Variants in UHMK1 observed in about 807,000 individuals in gnomAD.
UHMK1 encodes the protein U2AF homology motif kinase 1, also known as serine/threonine-protein kinase Kist.
In UHMK1, 18 loss-of-function variants were observed where a neutral mutation model predicts 44.0. The observed-to-expected ratio is 0.41, with a 90% confidence interval of 0.28 to 0.61. The LOEUF is 0.61. UHMK1 is among the 20% of genes least tolerant of loss of function. The pLI, the probability that UHMK1 is intolerant of heterozygous loss-of-function variation, is 0.31. For synonymous variants in UHMK1, 231 were observed against 198.5 expected, an observed-to-expected ratio of 1.16 and a Z score of -1.38; for missense variants, 463 against 522.5, an observed-to-expected ratio of 0.89 and a Z score of 1.11.
At chr1:162,506,483 C>T (rs1164836664) in intron 4 of UHMK1, among the ~76,000 whole-genome samples, 1 of 152,158 alleles carries the variant, frequency 6.6e-6, no homozygotes. Context: ...TTGTACCCAT[C>T]TTGTAACTAC....
In UHMK1 at chr1:162,500,122, C is replaced by G; in HGVS notation, c.436C>G (p.Leu146Val). Residue 146 changes from leucine (L) to valine (V), a missense_variant, in exon 2 of 8, where the codon CTT (leucine) becomes GTT (valine). By Grantham distance (32) the Leu-to-Val change is conservative. Coordinates refer to ENST00000489294, the MANE Select transcript of UHMK1 (RefSeq NM_175866.5). Reference protein sequence around the residue: ...QHCARDVLEALAFLHHEGYVH... With the variant: ...QHCARDVLEAVAFLHHEGYVH... ...TTGTGCCCGAGATGTTTTGGAGGCC[C>G]TTGCTTTTCTTCATCATGAGGGCTA... The G allele has an allele frequency of 6.2e-7, 1 of 1,614,174 alleles. No individual in the cohort carries two copies. Among genetic ancestry groups the G allele is most frequent in the East Asian group, 2.2e-5 (1 of 44,878 alleles).
At position 162,528,548 on chromosome 1, in the gene UHMK1, A is replaced by G. The variant is rs1274342396; in HGVS notation, c.*5998A>G. On this transcript the variant is annotated 3_prime_UTR_variant, in exon 8 of 8. Coordinates refer to ENST00000489294, the MANE Select transcript of UHMK1 (RefSeq NM_175866.5). ...TCACCACTTATGCAAATCAAGGATC[A>G]GAAAACTGGAGGTTAGCCATCTCCA... The G allele has an allele frequency of 6.6e-6, 1 of 152,140 alleles. No homozygotes were observed. The highest frequency in any genetic ancestry group is 1.5e-5 in the Non-Finnish European group (1 of 67,954). The allele number at this position is 152,140 out of a possible 1,614,324, so 9.4% of individuals were successfully genotyped here.
At position 162,497,883 on chromosome 1, in the gene UHMK1, G is replaced by C; in HGVS notation, c.-118G>C. 3.6e-6 allele frequency: 5 copies of C among 1,405,442 alleles called. No individual in the cohort carries two copies. The South Asian group carries it at 4.9e-5, about 14-fold the overall frequency. The allele number at this position is 1,405,442 out of a possible 1,614,324, so 87.1% of individuals were successfully genotyped here. The stretch of plus-strand genomic sequence containing the variant: ...TGAAGTCCCGGGAGTCGGTGAGGCG[G>C]CTGCAGGTCCCTCCCTGCGGAGCCG... On this transcript the variant is annotated 5_prime_UTR_variant, in exon 1 of 8. Coordinates refer to ENST00000489294, the MANE Select transcript of UHMK1 (RefSeq NM_175866.5).
rs148485125 is a variant in UHMK1, at chr1:162,522,656, C to A, written c.*106C>A. 1.8e-3 allele frequency: 2,304 copies of A among 1,267,662 alleles called. 27 individuals are homozygous for A. In the African/African-American group the frequency reaches 0.028, roughly 15 times the overall value. 78.5% of individuals were successfully genotyped at this position (1,267,662 alleles called of 1,614,324 possible). A position where few individuals can be genotyped will look rare whatever the true frequency, so the allele number is the denominator to read the frequency against. ...TACCATTTTAAGAAGGTACTTTATA[C>A]ATTTATTTAATCCTACTAATGTGCA... On this transcript the variant is annotated 3_prime_UTR_variant, in exon 8 of 8. Transcript: ENST00000489294.
intron 7 of UHMK1, among the ~76,000 whole-genome samples, chr1:162,521,110 C>T (rs1186779084): frequency 1.3e-5 from 2 of 152,138 alleles, no homozygotes; most frequent in South Asian, 2.1e-4. Context: ...CGAAGCCATT[C>T]TTCATTTGAA....
chr1:162,513,131 G>C (rs1050326927), intron 6 of UHMK1: 2 of 315,314 alleles, frequency 6.3e-6, no homozygotes, highest in East Asian at 1.6e-4. Flanking sequence ...AGTAGGGACG[G>C]GGTTTCACCA....
In UHMK1 at chr1:162,518,209, A is replaced by G. The variant is rs755736417; in HGVS notation, c.1113+19A>G. On this transcript the variant is annotated intron_variant, in intron 7 of 7. Transcript: ENST00000489294. ...AGGACAAGTAAGTGAATATTTTCAT[A>G]ATTGCAGATTACTCAGAGGTTATTA... 2 of 1,530,132 alleles carry G rather than the reference A, an allele frequency of 1.3e-6. No individual in the cohort carries two copies. The highest frequency in any genetic ancestry group is 4.5e-5 in the East Asian group (2 of 44,386). The allele number at this position is 1,530,132 out of a possible 1,614,324, so 94.8% of individuals were successfully genotyped here.
intron 6 of UHMK1, among the ~76,000 whole-genome samples, chr1:162,513,425 A>G (rs1475752711): frequency 1.3e-5 from 2 of 152,130 alleles, no homozygotes; most frequent in Non-Finnish European, 2.9e-5. Context: ...CATTTAAGAC[A>G]TATTAACTGA....
At position 162,501,023 on chromosome 1, in the gene UHMK1, T is replaced by A; in HGVS notation, c.672T>A (p.Asp224Glu). Residue 224 changes from aspartate to glutamate, a missense_variant, in exon 3 of 8, where the codon GAT becomes GAA. This residue lies in a region of UHMK1 where 264 missense variants were observed against 326.3 expected (regional missense o/e 0.81). Transcript: ENST00000489294. ...QSDTECTSAV[D>E]LWSLGIILLE... ...ATACAGAATGTACCTCAGCTGTTGATCTGTGGAGCCTAGGAATCATTTTAC... is the reference window on the plus strand; with the variant it reads ...ATACAGAATGTACCTCAGCTGTTGAACTGTGGAGCCTAGGAATCATTTTAC... The A allele has an allele frequency of 2.5e-6, 4 of 1,614,034 alleles. No homozygotes were observed. The highest frequency in any genetic ancestry group is 3.4e-6 in the Non-Finnish European group (4 of 1,179,996).
Position 162,503,811 on chromosome 1 carries a change from G to A in UHMK1, c.811G>A (p.Ala271Thr), listed in dbSNP as rs150990527. The change falls in exon 4 of 8, where the codon GCA (alanine) becomes ACA (threonine). Residue 271 changes from alanine (A) to threonine (T), a missense_variant. This residue lies in a region of UHMK1 where 264 missense variants were observed against 326.3 expected (regional missense o/e 0.81). Coordinates refer to ENST00000489294, the MANE Select transcript of UHMK1 (RefSeq NM_175866.5). ...TGCCAGTAAAGCAGTGGTGAATGCC[G>A]CAATTCCAGCCTATCACCTAAGAGA... ...IFASKAVVNA[A>T]IPAYHLRDLI... 14 of 1,613,826 alleles carry A rather than the reference G, an allele frequency of 8.7e-6. No homozygotes were observed. The highest frequency in any genetic ancestry group is 1.6e-4 in the Middle Eastern group (1 of 6,084).
intron 4 of UHMK1, among the ~76,000 whole-genome samples, chr1:162,509,024 ATCC>A (rs1319590309): frequency 6.6e-6 from 1 of 152,078 alleles, no homozygotes; most frequent in Non-Finnish European, 1.5e-5. Flanking sequence ...GGCTCAAGTA[ATCC>A]TCCTGCCTTT....
At chr1:162,501,867 C>T (rs1651280174) in intron 3 of UHMK1, among the ~76,000 whole-genome samples, 1 of 149,454 alleles carries the variant, frequency 6.7e-6, no homozygotes, top group Admixed American at 6.7e-5. Context: ...GTGGGAGGCT[C>T]ACTTGAGACC....
intron 7 of UHMK1, among the ~76,000 whole-genome samples, chr1:162,520,054 C>T (rs1367687320): frequency 6.6e-6 from 1 of 152,176 alleles, no homozygotes; most frequent in East Asian, 1.9e-4. Flanking sequence ...ACATGTGCCA[C>T]CACACCTGGC....
chr1:162,500,875 C>CT, intron 2 of UHMK1, 38 bp from the exon 3 acceptor site: 2 of 1,579,864 alleles, frequency 1.3e-6, no homozygotes, highest in Non-Finnish European at 1.7e-6. Context: ...AAGGGAGCAG[C>CT]TTTTTTATTG....
At chr1:162,516,705 G>C (rs919350111) in intron 6 of UHMK1, among the ~76,000 whole-genome samples, 5 of 152,038 alleles carry the variant, frequency 3.3e-5, no homozygotes, top group Non-Finnish European at 5.9e-5. Flanking sequence ...AATATTTATA[G>C]CTCTTATTAC....
In UHMK1 at chr1:162,522,631, T is replaced by C; in HGVS notation, c.*81T>C. 3 of 1,426,820 alleles carry C rather than the reference T, an allele frequency of 2.1e-6. No individual in the cohort carries two copies. The highest frequency in any genetic ancestry group is 2.9e-6 in the Non-Finnish European group (3 of 1,045,012). The allele number at this position is 1,426,820 out of a possible 1,614,324, so 88.4% of individuals were successfully genotyped here. ...ACATATGAATGCAGGACTACCCCCT[T>C]ACCATTTTAAGAAGGTACTTTATAC... is the stretch of plus-strand genomic sequence containing the variant. On this transcript the variant is annotated 3_prime_UTR_variant, in exon 8 of 8. Transcript: ENST00000489294.
Position 162,526,241 on chromosome 1 carries a change from A to G in UHMK1, c.*3691A>G, listed in dbSNP as rs1001127232. ...TCTGACTGTTAGGCCTATCTTACAC[A>G]TAAGTTCTACTATCAGTATACTTGG... On this transcript the variant is annotated 3_prime_UTR_variant, in exon 8 of 8. Coordinates refer to ENST00000489294, the MANE Select transcript of UHMK1 (RefSeq NM_175866.5). 3 of 149,938 alleles carry G rather than the reference A, an allele frequency of 2.0e-5. No individual in the cohort carries two copies. The highest frequency in any genetic ancestry group is 4.4e-5 in the Non-Finnish European group (3 of 67,652). 9.3% of individuals were successfully genotyped at this position (149,938 alleles called of 1,614,324 possible).
At chr1:162,510,129 C>T (rs567563694) in intron 4 of UHMK1, among the ~76,000 whole-genome samples, 4 of 151,656 alleles carry the variant, frequency 2.6e-5, no homozygotes, top group Non-Finnish European at 5.9e-5. Context: ...TCATGTACAA[C>T]GTGTTTTAAA....
At chr1:162,505,065 G>A (rs1183469706) in intron 4 of UHMK1, among the ~76,000 whole-genome samples, 6 of 152,048 alleles carry the variant, frequency 3.9e-5, no homozygotes, top group Non-Finnish European at 7.4e-5. Context: ...GTGTGCCACC[G>A]CTTCTGGCCA....
Sources: allele counts gnomAD v4.1 joint callset (sites outside exome capture counted in the v4.1 genomes callset), GRCh38; gene constraint gnomAD v4.1.1; regional missense constraint gnomAD v4.1.1; transcripts MANE v1.5; gene names NCBI Gene and HGNC (gene_info 2026-07-23, HGNC 2026-07-21).